Variants in ARID2 observed in about 807,000 individuals in gnomAD.
The protein encoded by ARID2 is AT-rich interactive domain-containing protein 2.
Under a neutral mutation model 184.6 loss-of-function variants are expected in ARID2, and 32 were observed. The ratio of observed to expected loss-of-function variants is 0.17; its 90% confidence interval spans 0.13 to 0.23. The LOEUF is 0.23. ARID2 is among the 10% of genes least tolerant of loss of function. The pLI is 1.00. For synonymous variants in ARID2, 836 were observed against 772.6 expected (o/e 1.08, Z -1.36); for missense variants, 1,696 against 2,197.6 (o/e 0.77, Z 4.56).
chr12:45,883,971 A>C (rs1471942849), intron 16 of ARID2, among the ~76,000 whole-genome samples: 1 of 152,222 alleles, frequency 6.6e-6, no homozygotes, highest in East Asian at 1.9e-4. Context: ...AAAGAGAAGA[A>C]TGAATGAATA....
At chr12:45,904,796 C>G (rs889876242) in intron 20 of ARID2, 138 bp from the exon 21 acceptor site, 9 of 788,164 alleles carry the variant, frequency 1.1e-5, no homozygotes, top group Non-Finnish European at 1.3e-5. Flanking sequence ...CCCTCTCTTC[C>G]TGCAATACTA....
intron 3 of ARID2, 25 bp downstream of exon 3, chr12:45,731,339 G>A (rs765630775): frequency 1.9e-6 from 3 of 1,542,054 alleles, no homozygotes; most frequent in South Asian, 1.1e-5. Context: ...CTTTTCCATA[G>A]TATTTGGAAA....
At chr12:45,752,310 C>G (rs1941479106) in intron 3 of ARID2, among the ~76,000 whole-genome samples, 1 of 152,182 alleles carries the variant, frequency 6.6e-6, no homozygotes, top group Non-Finnish European at 1.5e-5. Context: ...TCTGTCTCCC[C>G]TACTAAAATC....
intron 3 of ARID2, among the ~76,000 whole-genome samples, chr12:45,795,348 A>G (rs1942370780): frequency 6.6e-6 from 1 of 151,998 alleles, no homozygotes; most frequent in Non-Finnish European, 1.5e-5. Flanking sequence ...GAGCCTCTGG[A>G]TATTTTATGA....
rs375337888 is a variant in ARID2 at position 45,837,484 on chromosome 12, T to C, written c.1121-14T>C. The C allele has an allele frequency of 2.9e-5, 47 of 1,613,442 alleles. No individual in the cohort carries two copies. In the African/African-American group the frequency reaches 5.7e-4, roughly 20 times the overall value. On this transcript the variant is annotated splice_polypyrimidine_tract_variant and intron_variant, in intron 9 of 20. Coordinates refer to ENST00000334344, the MANE Select transcript of ARID2 (RefSeq NM_152641.4). The stretch of plus-strand genomic sequence containing the variant: ...CTATCATTTCTTAGTAATACATATT[T>C]GTATGTTTTTCAGGCATGGAAATTT...
chr12:45,784,963 G>T (rs980073463), intron 3 of ARID2, among the ~76,000 whole-genome samples: 1 of 152,140 alleles, frequency 6.6e-6, no homozygotes, highest in African/African-American at 2.4e-5. Flanking sequence ...ATACCACACA[G>T]CTCGTTAAGA....
At position 45,808,037 on chromosome 12, in the gene ARID2, T is replaced by C. The variant is rs144814778; in HGVS notation, c.285-3381T>C. Among the ~76,000 whole-genome samples the C allele has an allele frequency of 3.3e-5, 5 of 152,344 alleles. No homozygotes were observed. The East Asian group carries it at 7.7e-4, about 23-fold the overall frequency. ...ATATGTAATGTACTAGGCAGATTAC[T>C]ATAGGAGCTCAGCAAATATTTGTTT... On this transcript the variant is annotated intron_variant, in intron 3 of 20. Transcript: ENST00000334344.
At chr12:45,759,805 TCC>T (rs1941639385) in intron 3 of ARID2, among the ~76,000 whole-genome samples, 1 of 152,162 alleles carries the variant, frequency 6.6e-6, no homozygotes, top group Non-Finnish European at 1.5e-5. Flanking sequence ...CAAGTGATTC[TCC>T]CATCTCAGCC....
chr12:45,873,591 A>C (rs1943959951), intron 16 of ARID2, among the ~76,000 whole-genome samples: 1 of 152,212 alleles, frequency 6.6e-6, no homozygotes, highest in Non-Finnish European at 1.5e-5. Context: ...TACCTCAGAG[A>C]TATTGCATGT....
At chr12:45,730,002 G>A (rs1312628984) in intron 1 of ARID2, 42 bp from the exon 2 acceptor site, 3 of 1,608,286 alleles carry the variant, frequency 1.9e-6, no homozygotes, top group South Asian at 2.2e-5. Flanking sequence ...GGCCGGGCAC[G>A]GGGTCCCGGC....
chr12:45,753,340 G>A (rs543397706), intron 3 of ARID2, among the ~76,000 whole-genome samples: 20 of 152,004 alleles, frequency 1.3e-4, no homozygotes, highest in African/African-American at 3.4e-4. Context: ...GGTCTGTAGC[G>A]TAGTGATTTA....
chr12:45,829,073 G>A (rs1226394174), intron 6 of ARID2, among the ~76,000 whole-genome samples: 1 of 151,764 alleles, frequency 6.6e-6, no homozygotes, highest in African/African-American at 2.4e-5. Flanking sequence ...TTGTGTTTTT[G>A]TGTATGTGGT....
intron 16 of ARID2, among the ~76,000 whole-genome samples, chr12:45,867,365 C>T (rs564266486): frequency 1.4e-4 from 21 of 152,212 alleles, no homozygotes; most frequent in African/African-American, 4.3e-4. Flanking sequence ...TGATCCCTCC[C>T]GCCTCAGCCT....
intron 3 of ARID2, among the ~76,000 whole-genome samples, chr12:45,735,748 G>A (rs994843212): frequency 1.2e-4 from 19 of 152,164 alleles, no homozygotes; most frequent in African/African-American, 4.6e-4. Context: ...ACTTATCAAA[G>A]CTCAGCTAGG....
chr12:45,896,146 G>GT (rs1473587868), intron 20 of ARID2, among the ~76,000 whole-genome samples: 8 of 152,304 alleles, frequency 5.3e-5, no homozygotes, highest in Non-Finnish European at 8.8e-5. Flanking sequence ...TGTTTTCATC[G>GT]TATAGACAGG....
chr12:45,767,067 A>T (rs558698032), intron 3 of ARID2, among the ~76,000 whole-genome samples: 1 of 152,308 alleles, frequency 6.6e-6, no homozygotes, highest in African/African-American at 2.4e-5. Context: ...CAACATGGCC[A>T]ATCTATTTTT....
At chr12:45,881,993 G>T in intron 16 of ARID2, 2 of 196,370 alleles carry the variant, frequency 1.0e-5, no homozygotes, top group East Asian at 1.4e-4. Flanking sequence ...CCTGGGGCTG[G>T]GTGACTTCCC....
intron 4 of ARID2, among the ~76,000 whole-genome samples, chr12:45,815,046 T>A (rs1032265785): frequency 6.6e-6 from 1 of 152,242 alleles, no homozygotes; most frequent in Non-Finnish European, 1.5e-5. Flanking sequence ...CTGGTAAGGA[T>A]GTATTGAATG....
chr12:45,820,837 TAAG>T (rs1471295376), intron 5 of ARID2, among the ~76,000 whole-genome samples: 5 of 152,142 alleles, frequency 3.3e-5, no homozygotes, highest in Admixed American at 6.6e-5. Flanking sequence ...AGAGCGTTAT[TAAG>T]AAGAAGCTTA....
Sources: allele counts gnomAD v4.1 joint callset (sites outside exome capture counted in the v4.1 genomes callset), GRCh38; gene constraint gnomAD v4.1.1; transcripts MANE v1.5; gene names NCBI Gene and HGNC (gene_info 2026-07-23, HGNC 2026-07-21).